The following SLC11A2 variants were observed in gnomAD, a reference collection of about 807,000 sequenced individuals.
SLC11A2 encodes natural resistance-associated macrophage protein 2.
In SLC11A2, 38 loss-of-function variants were observed where a neutral mutation model predicts 68.0. The ratio of observed to expected loss-of-function variants is 0.56; its 90% CI spans 0.43 to 0.73. The LOEUF is 0.73. Ranked by LOEUF, SLC11A2 falls within the 30% of genes least tolerant of loss-of-function variation. SLC11A2 has a pLI of 0.00. For synonymous variants in SLC11A2, 242 were observed against 250.6 expected (o/e 0.97, Z 0.32); for missense variants, 517 against 690.5 (o/e 0.75, Z 2.82).
Position 50,987,910 on chromosome 12 carries a change from C to T in SLC11A2, c.*415G>A, listed in dbSNP as rs765348165. ...TTTCTCAGCCTTTAAAAATCCATTA[C>T]ATTTTGATAAATAAAACTTGCATAC... On this transcript the variant is annotated 3_prime_UTR_variant, in exon 16 of 16. Coordinates refer to ENST00000262052, the MANE Select transcript of SLC11A2 (RefSeq NM_000617.3). The T allele has an allele frequency of 8.2e-5, 104 of 1,274,984 alleles. No homozygotes were observed. The highest frequency in any genetic ancestry group is 1.0e-4 in the Non-Finnish European group (99 of 982,002). The allele number at this position is 1,274,984 out of a possible 1,614,324, so 79.0% of individuals were successfully genotyped here.
At chr12:51,012,612 A>C (rs955554595) in intron 1 of SLC11A2, among the ~76,000 whole-genome samples, 2 of 152,216 alleles carry the variant, frequency 1.3e-5, no homozygotes, top group African/African-American at 4.8e-5. Flanking sequence ...CTATCTACCA[A>C]CATATTCTGT....
chr12:50,952,614 G>A, the SLC11A2 span, among the ~76,000 whole-genome samples: 3 of 152,178 alleles, frequency 2.0e-5, no homozygotes, highest in South Asian at 2.1e-4. Context: ...ACACACAGGC[G>A]CAGGGACTAG....
chr12:50,954,051 G>A, the SLC11A2 span: 37 of 1,613,226 alleles, frequency 2.3e-5, no homozygotes, highest in South Asian at 2.2e-4. Context: ...CAATTATCCC[G>A]ACTAATCAGG....
rs149501436 is a variant in SLC11A2 at position 51,015,976 on chromosome 12, G to C, written c.-38-5210C>G. On this transcript the variant is annotated intron_variant, in intron 1 of 15. Transcript: ENST00000262052. ...ATTTTTGTATTTTTAGTAAAGACGGGGTTTCACCGTGTTGGCCAGGATGGT... is the reference window on the plus strand; with the variant it reads ...ATTTTTGTATTTTTAGTAAAGACGGCGTTTCACCGTGTTGGCCAGGATGGT... Among the ~76,000 whole-genome samples, 722 of 151,612 alleles carry C rather than the reference G, an allele frequency of 4.8e-3. 7 individuals are homozygous for C. Among genetic ancestry groups the C allele is most frequent in the African/African-American group, 0.016 (652 of 41,340 alleles).
At chr12:50,995,508 G>T (rs1941621464) in intron 10 of SLC11A2, 121 bp downstream of exon 10, 1 of 1,066,530 alleles carries the variant, frequency 9.4e-7, no homozygotes, top group Non-Finnish European at 1.4e-6. Flanking sequence ...GGGCAGACGA[G>T]AAGCTAGAGA....
downstream of SLC11A2, among the ~76,000 whole-genome samples, chr12:50,976,624 A>C (rs1433528035): frequency 6.6e-6 from 1 of 152,186 alleles, no homozygotes; most frequent in Non-Finnish European, 1.5e-5. Flanking sequence ...CCTATTCAAC[A>C]CAGTGTTGGA....
intron 2 of SLC11A2, among the ~76,000 whole-genome samples, chr12:51,008,856 T>C (rs887478582): frequency 1.3e-5 from 2 of 152,026 alleles, no homozygotes; most frequent in African/African-American, 4.8e-5. Context: ...ACTAAAAAAG[T>C]TATCTCCCTC....
downstream of SLC11A2, among the ~76,000 whole-genome samples, chr12:50,982,556 G>A (rs1940127720): frequency 6.6e-6 from 1 of 152,172 alleles, no homozygotes; most frequent in Non-Finnish European, 1.5e-5. Context: ...GAACCCAGGA[G>A]GCAGAGATTG....
In SLC11A2 at chr12:50,995,789, T is replaced by C; in HGVS notation, c.832-2A>G. On this transcript the variant is annotated splice_acceptor_variant, in intron 9 of 15. Transcript: ENST00000262052. LOFTEE classifies it high-confidence loss of function. The stretch of plus-strand genomic sequence containing the variant: ...ATTGTTCCGGTTTACCTGTCTAGAC[T>C]AGAAAGATAACAACAGCAGTCACTT... The C allele has an allele frequency of 6.2e-7, 1 of 1,613,522 alleles. No individual in the cohort carries two copies. The highest frequency in any genetic ancestry group is 8.5e-7 in the Non-Finnish European group (1 of 1,179,402).
At chr12:51,009,035 TA>T in intron 2 of SLC11A2, 1 of 849,402 alleles carries the variant, frequency 1.2e-6, no homozygotes, top group South Asian at 1.4e-5. Flanking sequence ...CCTGGTAACC[TA>T]AAATCCTAGC....
downstream of SLC11A2, chr12:50,981,699 T>C (rs1183548808): frequency 6.8e-7 from 1 of 1,466,540 alleles, no homozygotes; most frequent in East Asian, 2.5e-5. Context: ...GAAAAACATG[T>C]TCTTATAGAG....
intron 1 of SLC11A2, chr12:51,014,323 A>G (rs1487315919): frequency 1.3e-5 from 2 of 152,204 alleles, no homozygotes; most frequent in African/African-American, 4.8e-5. Flanking sequence ...GTCTGCAAAT[A>G]TTTTTAGACA....
Position 51,004,786 on chromosome 12 carries a change from A to T in SLC11A2, c.429+2T>A. On this transcript the variant is annotated splice_donor_variant, in intron 5 of 15. Coordinates refer to ENST00000262052, the MANE Select transcript of SLC11A2 (RefSeq NM_000617.3). LOFTEE classifies it high-confidence loss of function. Reference sequence around the variant, plus strand: ...AGACAAACAGGACAATACATTGCTCACCTTGGGATACTGACGGTGACATAC... The same window carrying T: ...AGACAAACAGGACAATACATTGCTCTCCTTGGGATACTGACGGTGACATAC... 6.2e-7 allele frequency: 1 copy of T among 1,613,870 alleles called. No homozygotes were observed. The highest frequency in any genetic ancestry group is 8.5e-7 in the Non-Finnish European group (1 of 1,179,880).
At chr12:50,952,762 A>C in the SLC11A2 span, among the ~76,000 whole-genome samples, 102 of 152,336 alleles carry the variant, frequency 6.7e-4, no homozygotes, top group Admixed American at 2.0e-3. Flanking sequence ...TTCCAACTGC[A>C]GGGAGCGCAC....
the SLC11A2 span, among the ~76,000 whole-genome samples, chr12:50,959,743 G>C: frequency 6.6e-6 from 1 of 152,064 alleles, no homozygotes; most frequent in African/African-American, 2.4e-5. Flanking sequence ...CACCTCCTGG[G>C]TTCAAGTGAT....
intron 1 of SLC11A2, among the ~76,000 whole-genome samples, chr12:51,017,323 A>G (rs1943733858): frequency 6.6e-6 from 1 of 152,258 alleles, no homozygotes; most frequent in African/African-American, 2.4e-5. Context: ...TCTATCATGT[A>G]TAGATAGGAT....
At chr12:50,982,968 C>T (rs957089996), downstream of SLC11A2, among the ~76,000 whole-genome samples, 1 of 150,758 alleles carries the variant, frequency 6.6e-6, no homozygotes, top group Non-Finnish European at 1.5e-5. Context: ...CCCACAATTC[C>T]AGACTCCACT....
downstream of SLC11A2, among the ~76,000 whole-genome samples, chr12:50,978,547 C>T (rs1346939341): frequency 2.0e-5 from 3 of 149,432 alleles, no homozygotes; most frequent in East Asian, 4.0e-4. Context: ...ATGTAAATGA[C>T]GAGTTAATGG....
the SLC11A2 span, among the ~76,000 whole-genome samples, chr12:50,971,915 C>T: frequency 1.3e-5 from 2 of 152,126 alleles, no homozygotes; most frequent in South Asian, 4.1e-4. Flanking sequence ...ACATTTTTCC[C>T]CATTGGGACA....
Sources: allele counts gnomAD v4.1 joint callset (sites outside exome capture counted in the v4.1 genomes callset), GRCh38; gene constraint gnomAD v4.1.1; transcripts MANE v1.5; gene names NCBI Gene and HGNC (gene_info 2026-07-23, HGNC 2026-07-21).